The following SLIT3 variants were observed in gnomAD, a reference collection of about 807,000 sequenced individuals.
SLIT3 encodes slit guidance ligand 3, also known as slit homolog 3 protein.
SLIT3 carries 68 observed loss-of-function variants against 184.0 expected under a neutral mutation model. That is an observed-to-expected ratio of 0.37 (90% confidence interval 0.30 to 0.45). The LOEUF (loss-of-function observed/expected upper bound fraction) is 0.45. SLIT3 is among the 20% of genes least tolerant of loss of function. The pLI is 1.00. For synonymous variants in SLIT3, 831 were observed against 828.6 expected (o/e 1.00, Z -0.05); for missense variants, 1,707 against 2,026.0 (o/e 0.84, Z 3.02).
chr5:168,880,183 C>T (rs10035582), intron 5 of SLIT3, among the ~76,000 whole-genome samples: 45,458 of 152,096 alleles, frequency 0.3, 7,083 homozygotes, highest in Middle Eastern at 0.34. Context: ...TGGACTACAG[C>T]CTCATCTCCT....
chr5:168,789,130 T>G (rs1312452583), intron 11 of SLIT3, among the ~76,000 whole-genome samples: 1 of 151,976 alleles, frequency 6.6e-6, no homozygotes, highest in Non-Finnish European at 1.5e-5. Flanking sequence ...GAGGGTGGTC[T>G]GGAGAGAAAG....
Position 169,041,472 on chromosome 5 carries a change from G to C in SLIT3, c.413+152007C>G, listed in dbSNP as rs79675866. On this transcript the variant is annotated intron_variant, in intron 4 of 35. Transcript: ENST00000519560. ...TTTGATTTGAGAGGGAGACAGCAGG[G>C]AGGGCTGTTCAGAAGGCATTCAGAG... Among the ~76,000 whole-genome samples, 205 of 152,302 alleles carry C rather than the reference G, an allele frequency of 1.3e-3. 2 individuals are homozygous for C. The highest frequency in any genetic ancestry group is 4.7e-3 in the African/African-American group (196 of 41,574).
intron 4 of SLIT3, among the ~76,000 whole-genome samples, chr5:168,992,722 A>G (rs957885829): frequency 2.6e-5 from 4 of 152,222 alleles, no homozygotes; most frequent in African/African-American, 4.8e-5. Context: ...GTGGAACCTC[A>G]GGGTTCCAAG....
chr5:168,686,554 GAATAGAGGTTACCACT>G (rs1205770755), intron 30 of SLIT3, among the ~76,000 whole-genome samples: 2 of 152,202 alleles, frequency 1.3e-5, no homozygotes, highest in East Asian at 3.8e-4. Context: ...AACAGAAGTA[GAATAGAGGTTACCACT>G]GAGGAACCAT....
chr5:168,708,356 T>C, intron 25 of SLIT3: 2 of 554,926 alleles, frequency 3.6e-6, no homozygotes, highest in Non-Finnish European at 6.4e-6. Flanking sequence ...ATTACTGTAA[T>C]TAGCCTGATC....
chr5:169,157,741 T>G (rs940925414), intron 4 of SLIT3, among the ~76,000 whole-genome samples: 7 of 152,260 alleles, frequency 4.6e-5, no homozygotes, highest in African/African-American at 1.7e-4. Context: ...GATTTGGATT[T>G]TAAAACAGCC....
intron 4 of SLIT3, among the ~76,000 whole-genome samples, chr5:169,029,016 A>T (rs1756932279): frequency 6.6e-6 from 1 of 152,200 alleles, no homozygotes; most frequent in Admixed American, 6.5e-5. Context: ...ACACCACTTG[A>T]CATGTATAAT....
chr5:168,827,912 G>C (rs1047012700), intron 6 of SLIT3, among the ~76,000 whole-genome samples: 2 of 152,178 alleles, frequency 1.3e-5, no homozygotes, highest in African/African-American at 4.8e-5. Context: ...CAATAGCTGG[G>C]TAGTTGACAC....
At chr5:168,692,764 C>G in intron 28 of SLIT3, 64 bp from the exon 29 acceptor site, 1 of 1,187,686 alleles carries the variant, frequency 8.4e-7, no homozygotes, top group Non-Finnish European at 1.3e-6. Flanking sequence ...GCCAGAAGAT[C>G]AGAGTACTAG....
At chr5:169,042,438 T>G (rs534905136) in intron 4 of SLIT3, among the ~76,000 whole-genome samples, 22 of 152,360 alleles carry the variant, frequency 1.4e-4, no homozygotes, top group Middle Eastern at 3.4e-3. Context: ...TTGCATTAGA[T>G]GTTATCAAAG....
chr5:168,755,393 C>CTTTCTTTCTTTCCTTTCTTTCCTTTCT, intron 16 of SLIT3, among the ~76,000 whole-genome samples: 1 of 9,532 alleles, frequency 1.0e-4, no homozygotes, highest in African/African-American at 1.2e-3. Flanking sequence ...GCCGCCATTT[C>CTTTCTTTCTTTCCTTTCTTTCCTTTCT]TTTCTTTCTT....
intron 28 of SLIT3, among the ~76,000 whole-genome samples, chr5:168,695,217 A>T (rs1762019007): frequency 6.6e-6 from 1 of 152,186 alleles, no homozygotes; most frequent in Admixed American, 6.5e-5. Context: ...CCAGTAGTCC[A>T]GGACATGGGA....
intron 21 of SLIT3, 36 bp from the exon 22 acceptor site, chr5:168,723,040 CT>C (rs1561894234): frequency 4.6e-6 from 7 of 1,528,924 alleles, no homozygotes; most frequent in African/African-American, 1.4e-5. Flanking sequence ...ATGCTTTTGT[CT>C]TAGTTGCATC....
chr5:168,679,989 C>T (rs946777363), intron 32 of SLIT3, among the ~76,000 whole-genome samples: 2 of 152,194 alleles, frequency 1.3e-5, no homozygotes, highest in African/African-American at 2.4e-5. Flanking sequence ...CACACCCACG[C>T]GGTGTTTTAA....
intron 14 of SLIT3, among the ~76,000 whole-genome samples, chr5:168,770,222 G>T (rs1396930468): frequency 6.6e-6 from 1 of 152,170 alleles, no homozygotes; most frequent in African/African-American, 2.4e-5. Context: ...CCAAGGCGGC[G>T]GATGCAGCTG....
At chr5:168,728,594 A>G (rs1448642798) in intron 20 of SLIT3, among the ~76,000 whole-genome samples, 1 of 152,034 alleles carries the variant, frequency 6.6e-6, no homozygotes, top group Non-Finnish European at 1.5e-5. Flanking sequence ...ATAAATAAGA[A>G]ATTTCCAAGG....
chr5:168,692,193 G>A, intron 29 of SLIT3, among the ~76,000 whole-genome samples: 1 of 152,216 alleles, frequency 6.6e-6, no homozygotes. Flanking sequence ...TGCAAAGGCT[G>A]CACATGGAGA....
chr5:169,144,695 G>A (rs150725016), intron 4 of SLIT3, among the ~76,000 whole-genome samples: 410 of 152,334 alleles, frequency 2.7e-3, no homozygotes, highest in African/African-American at 9.6e-3. Flanking sequence ...GGGCCACTGA[G>A]CTCAGTCCAG....
chr5:168,679,392 T>C (rs534407763), intron 32 of SLIT3, among the ~76,000 whole-genome samples: 30 of 152,264 alleles, frequency 2.0e-4, no homozygotes, highest in African/African-American at 7.2e-4. Flanking sequence ...TGGATACGTG[T>C]TAATCCCTTA....
Sources: gnomAD v4.1 joint callset for allele counts (sites outside exome capture counted in the v4.1 genomes callset) on GRCh38, gnomAD v4.1.1 for gene constraint, MANE v1.5 for transcripts, NCBI Gene and HGNC (gene_info 2026-07-23, HGNC 2026-07-21) for gene names.